Variants in ITK observed in about 807,000 individuals in gnomAD.
The protein encoded by ITK is IL2 inducible T cell kinase.
Under a neutral mutation model 87.6 loss-of-function variants are expected in ITK, and 45 were observed. The observed-to-expected ratio is 0.51, with a 90% confidence interval of 0.40 to 0.66. The LOEUF (loss-of-function observed/expected upper bound fraction) is 0.66. Among genes scored for constraint, ITK ranks in the 30% least tolerant of loss-of-function variants. The pLI is 0.00. For missense variants in ITK, 605 were observed against 766.3 expected (o/e 0.79, Z 2.48); for synonymous variants, 303 against 273.6 (o/e 1.11, Z -1.06).
chr5:157,206,800 G>T lies in ITK; in HGVS notation c.139-2089G>T, dbSNP rs549590918. Among the ~76,000 whole-genome samples the T allele has an allele frequency of 1.6e-4, 24 of 152,046 alleles. No homozygotes were observed. The South Asian group carries it at 3.9e-3, about 25-fold the overall frequency. On this transcript the variant is annotated intron_variant, in intron 1 of 16. Transcript: ENST00000422843. ...TTCTTCTTTATGAGTATAGCTAGTG[G>T]CCTATCTATCCTATTAATTTTTTCA...
At chr5:157,233,466 T>C (rs962805652) in intron 8 of ITK, among the ~76,000 whole-genome samples, 1 of 152,242 alleles carries the variant, frequency 6.6e-6, no homozygotes, top group African/African-American at 2.4e-5. Context: ...AACTCAGCAC[T>C]TAATTATTTC....
intron 8 of ITK, among the ~76,000 whole-genome samples, chr5:157,235,586 C>T (rs560645432): frequency 2.0e-4 from 31 of 152,172 alleles, no homozygotes; most frequent in Non-Finnish European, 3.8e-4. Flanking sequence ...ACATCTCACA[C>T]ATAGGGTGAC....
intron 4 of ITK, 120 bp from the exon 5 acceptor site, chr5:157,217,747 C>T: frequency 1.2e-6 from 1 of 825,994 alleles, no homozygotes; most frequent in Non-Finnish European, 2.1e-6. Context: ...CTTCTGGCCC[C>T]CTTTCTTCTG....
chr5:157,234,032 A>ATGTAG (rs898478696), intron 8 of ITK, among the ~76,000 whole-genome samples: 23 of 118,842 alleles, frequency 1.9e-4, no homozygotes, highest in South Asian at 6.3e-4. Context: ...CCAGGCTAGC[A>ATGTAG]TGTAGTGGCA....
chr5:157,217,068 T>C (rs1754312743), intron 4 of ITK, among the ~76,000 whole-genome samples: 1 of 152,050 alleles, frequency 6.6e-6, no homozygotes, highest in Non-Finnish European at 1.5e-5. Context: ...GTGCCTCCCG[T>C]ACCACAGAGA....
intron 6 of ITK, among the ~76,000 whole-genome samples, chr5:157,224,870 A>G (rs1368494827): frequency 6.6e-6 from 1 of 152,176 alleles, no homozygotes; most frequent in Non-Finnish European, 1.5e-5. Flanking sequence ...TGAGACATTT[A>G]GTTGCCAGTT....
At chr5:157,243,263 C>T (rs1754950219) in intron 11 of ITK, among the ~76,000 whole-genome samples, 1 of 152,140 alleles carries the variant, frequency 6.6e-6, no homozygotes, top group Non-Finnish European at 1.5e-5. Context: ...ATAGCAGGTG[C>T]TCTTAATAGA....
chr5:157,191,773 CT>C (rs1753758126), intron 1 of ITK, among the ~76,000 whole-genome samples: 1 of 152,042 alleles, frequency 6.6e-6, no homozygotes. Context: ...GTGAACTTAT[CT>C]GTTAGCTATG....
chr5:157,212,899 A>T (rs1252899674), intron 3 of ITK, among the ~76,000 whole-genome samples: 1 of 152,118 alleles, frequency 6.6e-6, no homozygotes, highest in Non-Finnish European at 1.5e-5. Flanking sequence ...AGCTATGGTC[A>T]TTGGCCATTT....
intron 1 of ITK, among the ~76,000 whole-genome samples, chr5:157,203,386 C>T (rs1754013482): frequency 6.6e-6 from 1 of 152,214 alleles, no homozygotes; most frequent in Non-Finnish European, 1.5e-5. Context: ...TTAAGCTCCA[C>T]TGAGGGCCAG....
At chr5:157,240,556 G>A (rs931398821) in intron 10 of ITK, 1 of 337,520 alleles carries the variant, frequency 3.0e-6, no homozygotes, top group African/African-American at 2.1e-5. Flanking sequence ...TGCTATCAAG[G>A]AATACCTGAG....
At chr5:157,191,061 T>C (rs1753743477) in intron 1 of ITK, among the ~76,000 whole-genome samples, 1 of 152,222 alleles carries the variant, frequency 6.6e-6, no homozygotes, top group Non-Finnish European at 1.5e-5. Flanking sequence ...TGCAGTGGTC[T>C]CCTGGGCCAT....
chr5:157,222,572 C>T (rs1482402589), intron 5 of ITK, among the ~76,000 whole-genome samples: 1 of 152,160 alleles, frequency 6.6e-6, no homozygotes, highest in East Asian at 1.9e-4. Flanking sequence ...ATGATGCATC[C>T]AGCAGAGAGG....
intron 1 of ITK, among the ~76,000 whole-genome samples, chr5:157,188,677 C>T (rs1753692883): frequency 6.6e-6 from 1 of 152,180 alleles, no homozygotes; most frequent in African/African-American, 2.4e-5. Context: ...GGCTAGAATG[C>T]AGTGGCGGAA....
At chr5:157,223,818 G>A (rs561671587) in intron 6 of ITK, among the ~76,000 whole-genome samples, 7 of 151,838 alleles carry the variant, frequency 4.6e-5, no homozygotes, top group Non-Finnish European at 8.8e-5. Context: ...TAATATTAGG[G>A]GTTTAAATGT....
chr5:157,221,582 T>A (rs1345131950), intron 5 of ITK, among the ~76,000 whole-genome samples: 1 of 152,094 alleles, frequency 6.6e-6, no homozygotes, highest in Admixed American at 6.6e-5. Flanking sequence ...CAAGCTTGCA[T>A]GATTATTAGA....
chr5:157,225,737 G>T (rs1392121481), intron 6 of ITK, among the ~76,000 whole-genome samples: 5 of 152,146 alleles, frequency 3.3e-5, no homozygotes, highest in Admixed American at 3.3e-4. Context: ...AATTGAGCTA[G>T]TCACATCACC....
intron 1 of ITK, among the ~76,000 whole-genome samples, chr5:157,192,148 T>C (rs1453533449): frequency 6.6e-6 from 1 of 152,232 alleles, no homozygotes; most frequent in East Asian, 1.9e-4. Flanking sequence ...CGTGATCTTT[T>C]ATACATAGGT....
chr5:157,193,416 CA>C (rs1561647668), intron 1 of ITK, among the ~76,000 whole-genome samples: 3 of 152,124 alleles, frequency 2.0e-5, no homozygotes, highest in African/African-American at 7.2e-5. Flanking sequence ...AAAATGAAGT[CA>C]GACATTTCAT....
Sources: allele counts gnomAD v4.1 joint callset (sites outside exome capture counted in the v4.1 genomes callset), GRCh38; gene constraint gnomAD v4.1.1; transcripts MANE v1.5; gene names NCBI Gene and HGNC (gene_info 2026-07-23, HGNC 2026-07-21).